The following PCDH11X variants were observed in gnomAD, a reference collection of about 807,000 sequenced individuals.
PCDH11X encodes protocadherin-11 X-linked.
Under a neutral mutation model 53.3 loss-of-function variants are expected in PCDH11X, and 18 were observed. The ratio of observed to expected loss-of-function variants is 0.34; its 90% CI spans 0.23 to 0.50. The LOEUF is 0.50. PCDH11X is among the 20% of genes least tolerant of loss of function. The pLI, the probability that PCDH11X is intolerant of heterozygous loss-of-function variation, is 0.98. For missense variants in PCDH11X, 570 were observed against 1,032.4 expected, an observed-to-expected ratio of 0.55 and a Z score of 6.14; for synonymous variants, 279 against 393.3, an observed-to-expected ratio of 0.71 and a Z score of 3.44.
At chrX:92,301,644 G>GT (rs1294911403) in intron 8 of PCDH11X, among the ~76,000 whole-genome samples, 2 of 97,818 alleles carry the variant, frequency 2.0e-5, no homozygotes, top group Non-Finnish European at 3.9e-5. Flanking sequence ...TCACTTTTTT[G>GT]TTTTTTGTTT....
intron 8 of PCDH11X, among the ~76,000 whole-genome samples, chrX:92,349,670 T>C (rs1229680150): frequency 6.3e-5 from 7 of 110,902 alleles, no homozygotes; most frequent in African/African-American, 2.3e-4. Context: ...TTTTTGACTT[T>C]ATGATGGTGC....
At chrX:92,147,810 C>CTTTCTCTTT (rs1556065506) in intron 6 of PCDH11X, among the ~76,000 whole-genome samples, 1 of 70,198 alleles carries the variant, frequency 1.4e-5, no homozygotes, top group African/African-American at 5.5e-5. Flanking sequence ...TTTCTTCCTT[C>CTTTCTCTTT]CTTTCTTTCT....
At chrX:92,129,395 C>T (rs1377356252) in intron 6 of PCDH11X, among the ~76,000 whole-genome samples, 5 of 111,422 alleles carry the variant, frequency 4.5e-5, no homozygotes, top group African/African-American at 1.6e-4. Context: ...CGTCCCCCAC[C>T]TCCGTGCCAA....
chrX:92,247,194 C>G (rs1267837887), intron 7 of PCDH11X, among the ~76,000 whole-genome samples: 1 of 111,734 alleles, frequency 8.9e-6, no homozygotes, highest in Admixed American at 9.6e-5. Context: ...TAGGCTATTG[C>G]AAAATGCTTT....
At chrX:92,267,036 C>T (rs1310279379) in intron 8 of PCDH11X, among the ~76,000 whole-genome samples, 1 of 111,810 alleles carries the variant, frequency 8.9e-6, no homozygotes, top group African/African-American at 3.3e-5. Flanking sequence ...TGAGCCACTG[C>T]ACCCGGCCTA....
At chrX:92,070,589 A>T in intron 6 of PCDH11X, among the ~76,000 whole-genome samples, 1 of 110,579 alleles carries the variant, frequency 9.0e-6, no homozygotes, top group East Asian at 2.8e-4. Context: ...TGCTTTTAGG[A>T]TCCTTTCTTT....
intron 8 of PCDH11X, among the ~76,000 whole-genome samples, chrX:92,341,016 C>T (rs1236206776): frequency 2.7e-5 from 3 of 111,660 alleles, no homozygotes; most frequent in Non-Finnish European, 3.8e-5. Context: ...ACTTCTTGGA[C>T]ACTTGCTGCT....
intron 10 of PCDH11X, among the ~76,000 whole-genome samples, chrX:92,493,956 AT>A (rs1454054243): frequency 9.1e-6 from 1 of 109,345 alleles, no homozygotes; most frequent in East Asian, 2.9e-4. Flanking sequence ...TGCTCCGTTA[AT>A]TTTTATATCC....
chrX:92,263,132 G>C lies in PCDH11X; in HGVS notation c.3133G>C (p.Val1045Leu). ...PQPQRKSEGKVAGKSQRRVTF... is the reference protein window; with the variant it reads ...PQPQRKSEGKLAGKSQRRVTF... ...AAATCAGCGGAAATCTGAAGGGAAA[G>C]TGGCAGGAAAGGTAAGACTGCAAAT... Residue 1045 changes from valine (V) to leucine (L), a missense_variant, in exon 8 of 11, where the codon GTG (valine) becomes CTG (leucine). Physicochemically the swap from Val to Leu is conservative, Grantham distance 32. This residue lies in a region of PCDH11X where 234 missense variants were observed against 296.1 expected (regional missense o/e 0.79). Transcript: ENST00000682573. 1 of 1,185,604 alleles carries C rather than the reference G, an allele frequency of 8.4e-7. No homozygotes were observed. Among genetic ancestry groups the C allele is most frequent in the Non-Finnish European group, 1.1e-6 (1 of 879,223 alleles).
intron 8 of PCDH11X, among the ~76,000 whole-genome samples, chrX:92,271,236 C>G (rs10855784): frequency 0.052 from 5,774 of 111,779 alleles, 341 homozygotes; most frequent in African/African-American, 0.18. Context: ...TTTTACAAAA[C>G]GGTAACTTCT....
chrX:92,531,437 TTA>T (rs1226273956), intron 10 of PCDH11X, among the ~76,000 whole-genome samples: 1 of 111,520 alleles, frequency 9.0e-6, no homozygotes, highest in African/African-American at 3.2e-5. Context: ...GTTAGTGAAT[TTA>T]TGTGTTTAAT....
intron 10 of PCDH11X, among the ~76,000 whole-genome samples, chrX:92,601,472 G>A (rs1307773187): frequency 2.1e-5 from 2 of 96,359 alleles, no homozygotes; most frequent in Non-Finnish European, 4.0e-5. Flanking sequence ...AAATGGCGTA[G>A]CTACTAAGGA....
At chrX:92,416,945 T>C (rs2071827338) in intron 9 of PCDH11X, among the ~76,000 whole-genome samples, 1 of 111,228 alleles carries the variant, frequency 9.0e-6, no homozygotes, top group African/African-American at 3.3e-5. Flanking sequence ...TAGTTTAACA[T>C]TATCTCATAA....
At chrX:92,271,836 A>G (rs2067966851) in intron 8 of PCDH11X, among the ~76,000 whole-genome samples, 1 of 112,261 alleles carries the variant, frequency 8.9e-6, no homozygotes, top group South Asian at 3.7e-4. Flanking sequence ...TAGAATTTTA[A>G]TTTAGTCTTT....
intron 6 of PCDH11X, among the ~76,000 whole-genome samples, chrX:92,016,051 T>C (rs1293639836): frequency 2.6e-4 from 29 of 112,744 alleles, no homozygotes; most frequent in African/African-American, 9.3e-4. Flanking sequence ...TTTCCTTTTA[T>C]ATCTTTTTCA....
chrX:92,176,527 C>T (rs189348812), intron 6 of PCDH11X, among the ~76,000 whole-genome samples: 1 of 112,086 alleles, frequency 8.9e-6, no homozygotes, highest in African/African-American at 3.2e-5. Context: ...CAATTTTATA[C>T]GTTAACCCTT....
At chrX:91,787,976 T>A (rs1334669632) in intron 1 of PCDH11X, among the ~76,000 whole-genome samples, 2 of 111,520 alleles carry the variant, frequency 1.8e-5, no homozygotes. Context: ...AGAAAGATAA[T>A]TTAGTCCAAA....
At chrX:92,340,558 G>A (rs188014936) in intron 8 of PCDH11X, among the ~76,000 whole-genome samples, 1 of 111,998 alleles carries the variant, frequency 8.9e-6, no homozygotes, top group African/African-American at 3.2e-5. Flanking sequence ...AGCCACCAAG[G>A]CTATGACTTG....
intron 6 of PCDH11X, among the ~76,000 whole-genome samples, chrX:92,101,630 C>T (rs5984880): frequency 0.18 from 19,201 of 108,501 alleles, 1,603 homozygotes; most frequent in East Asian, 0.4. Flanking sequence ...TCTGACAGAA[C>T]GGAAGAAATG....
Sources: gnomAD v4.1 joint callset for allele counts (sites outside exome capture counted in the v4.1 genomes callset) on GRCh38, gnomAD v4.1.1 for gene constraint, gnomAD v4.1.1 regional missense constraint, MANE v1.5 for transcripts, NCBI Gene and HGNC (gene_info 2026-07-23, HGNC 2026-07-21) for gene names.